The following CCDC171 variants were observed in gnomAD, a reference collection of about 807,000 sequenced individuals.
CCDC171 encodes the protein coiled-coil domain-containing protein 171.
Under a neutral mutation model 168.2 loss-of-function variants are expected in CCDC171, and 177 were observed. That is an observed-to-expected ratio of 1.05 (90% confidence interval 0.93 to 1.19). The LOEUF (loss-of-function observed/expected upper bound fraction) is 1.19, where lower values mean the gene tolerates loss of function less well. Among genes scored for constraint, CCDC171 ranks in the 50% most tolerant of loss-of-function variants. CCDC171 has a pLI of 0.00. For missense variants in CCDC171, 1,991 were observed against 1,539.0 expected (o/e 1.29, Z -4.91); for synonymous variants, 687 against 540.8 (o/e 1.27, Z -3.75).
At chr9:16,050,986 T>C (rs557672118) in intron 1 of CCDC171, among the ~76,000 whole-genome samples, 1 of 152,342 alleles carries the variant, frequency 6.6e-6, no homozygotes, top group South Asian at 2.1e-4. Context: ...TCATAACTTT[T>C]ATACTCATGA....
intron 1 of CCDC171, among the ~76,000 whole-genome samples, chr9:15,554,753 T>G (rs2038648922): frequency 6.6e-6 from 1 of 152,208 alleles, no homozygotes; most frequent in Non-Finnish European, 1.5e-5. Context: ...CACTGCGTAG[T>G]GAAAGAGGAT....
chr9:15,655,279 G>A (rs993694547), intron 7 of CCDC171, among the ~76,000 whole-genome samples: 1 of 152,042 alleles, frequency 6.6e-6, no homozygotes, highest in Non-Finnish European at 1.5e-5. Flanking sequence ...AATCAAATTA[G>A]TAATGCCTTT....
intron 25 of CCDC171, among the ~76,000 whole-genome samples, chr9:15,947,977 G>A (rs376660208): frequency 1.1e-4 from 15 of 138,278 alleles, no homozygotes; most frequent in African/African-American, 3.8e-4. Flanking sequence ...CCTCCCCGCT[G>A]CCCCCACCCC....
intron 11 of CCDC171, among the ~76,000 whole-genome samples, chr9:15,695,548 A>T (rs758469798): frequency 6.6e-6 from 1 of 152,124 alleles, no homozygotes; most frequent in Non-Finnish European, 1.5e-5. Flanking sequence ...CCAGAACTTG[A>T]TTTACAAGTG....
At chr9:15,827,277 G>C (rs77468861) in intron 21 of CCDC171, among the ~76,000 whole-genome samples, 1 of 152,134 alleles carries the variant, frequency 6.6e-6, no homozygotes, top group Non-Finnish European at 1.5e-5. Context: ...TGGAAGGGGG[G>C]ACATGTGGGT....
intron 21 of CCDC171, among the ~76,000 whole-genome samples, chr9:15,838,918 A>G (rs1421702251): frequency 6.6e-6 from 1 of 152,144 alleles, no homozygotes; most frequent in Non-Finnish European, 1.5e-5. Context: ...AGGTGATACT[A>G]TGCTAGGCAG....
chr9:15,685,110 C>T (rs944497521), intron 10 of CCDC171, among the ~76,000 whole-genome samples: 7 of 152,106 alleles, frequency 4.6e-5, no homozygotes, highest in Non-Finnish European at 7.4e-5. Flanking sequence ...AGAATTATAG[C>T]GTTTGTTGAG....
chr9:15,958,483 G>A (rs992399029), intron 25 of CCDC171, among the ~76,000 whole-genome samples: 5 of 136,428 alleles, frequency 3.7e-5, no homozygotes, highest in Admixed American at 1.5e-4. Context: ...TTATAAAAGT[G>A]TGTATGGGGT....
intron 3 of CCDC171, among the ~76,000 whole-genome samples, chr9:15,984,037 G>C (rs1321317517): frequency 1.5e-5 from 1 of 65,832 alleles, no homozygotes; most frequent in Non-Finnish European, 3.2e-5. Flanking sequence ...GTAGTCCTCT[G>C]TATCAGAATA....
chr9:15,950,857 G>T (rs963904883), intron 25 of CCDC171, among the ~76,000 whole-genome samples: 11 of 151,260 alleles, frequency 7.3e-5, no homozygotes, highest in Non-Finnish European at 1.3e-4. Context: ...AGACCCATCA[G>T]TGTGCTGTAT....
chr9:15,589,726 A>T (rs2041845687), intron 4 of CCDC171, among the ~76,000 whole-genome samples: 1 of 152,232 alleles, frequency 6.6e-6, no homozygotes, highest in Admixed American at 6.5e-5. Context: ...CAAATTAAAA[A>T]TATGAAGGCA....
intron 23 of CCDC171, among the ~76,000 whole-genome samples, chr9:15,869,749 T>C (rs2061952727): frequency 2.0e-5 from 3 of 151,722 alleles, no homozygotes; most frequent in South Asian, 4.2e-4. Flanking sequence ...CTAGACTATA[T>C]AAAACTTGAA....
chr9:15,776,530 C>G (rs906519017), intron 18 of CCDC171, among the ~76,000 whole-genome samples: 3 of 152,082 alleles, frequency 2.0e-5, no homozygotes, highest in African/African-American at 7.2e-5. Context: ...ATGTATAACT[C>G]CTAAGCAAGA....
intron 4 of CCDC171, among the ~76,000 whole-genome samples, chr9:15,586,377 A>G (rs763206076): frequency 1.3e-5 from 2 of 152,244 alleles, no homozygotes; most frequent in Non-Finnish European, 2.9e-5. Flanking sequence ...TAATCCCATA[A>G]CAATGGAGAG....
intron 1 of CCDC171, among the ~76,000 whole-genome samples, chr9:16,059,513 T>C (rs1419355545): frequency 2.2e-5 from 3 of 138,432 alleles, no homozygotes; most frequent in African/African-American, 8.3e-5. Flanking sequence ...TTCTTTTTTT[T>C]TTTTTTTTTT....
At chr9:15,925,732 T>C (rs1825819880) in intron 25 of CCDC171, among the ~76,000 whole-genome samples, 1 of 151,534 alleles carries the variant, frequency 6.6e-6, no homozygotes, top group Non-Finnish European at 1.5e-5. Flanking sequence ...TTTGAGTATG[T>C]TGAGTTTGAG....
intron 25 of CCDC171, among the ~76,000 whole-genome samples, chr9:15,929,763 G>T (rs1826289342): frequency 6.6e-6 from 1 of 151,662 alleles, no homozygotes; most frequent in African/African-American, 2.4e-5. Flanking sequence ...CCAAAACACA[G>T]ATATGGTCAG....
At chr9:15,974,978 AGGCC>A (rs1459199127), downstream of CCDC171, among the ~76,000 whole-genome samples, 2 of 152,128 alleles carry the variant, frequency 1.3e-5, no homozygotes, top group Non-Finnish European at 2.9e-5. Flanking sequence ...AACGTTGCCC[AGGCC>A]GGTCTTGAAC....
intron 1 of CCDC171, among the ~76,000 whole-genome samples, chr9:16,054,282 A>T (rs1226612533): frequency 6.6e-6 from 1 of 152,186 alleles, no homozygotes; most frequent in Non-Finnish European, 1.5e-5. Context: ...AGGGGGAAAG[A>T]TACATAATAA....
Sources: allele counts gnomAD v4.1 joint callset (sites outside exome capture counted in the v4.1 genomes callset), GRCh38; gene constraint gnomAD v4.1.1; transcripts MANE v1.5; gene names NCBI Gene and HGNC (gene_info 2026-07-23, HGNC 2026-07-21).